Variants in E2F3 observed in about 807,000 individuals in gnomAD.
E2F3 encodes the protein transcription factor E2F3.
In E2F3, 11 loss-of-function variants were observed where a neutral mutation model predicts 44.4. The observed-to-expected ratio is 0.25, with a 90% CI of 0.16 to 0.41. The LOEUF is 0.41. E2F3 is among the 10% of genes least tolerant of loss of function. The probability of loss-of-function intolerance (pLI) is 1.00; values close to 1 mark genes in which losing one functional copy is unlikely to be tolerated. For synonymous variants in E2F3, 249 were observed against 253.0 expected, an observed-to-expected ratio of 0.98 and a Z score of 0.15; for missense variants, 487 against 583.6, an observed-to-expected ratio of 0.83 and a Z score of 1.70.
intron 6 of E2F3, among the ~76,000 whole-genome samples, chr6:20,489,298 G>C (rs1312827480): frequency 6.6e-6 from 1 of 152,134 alleles, no homozygotes; most frequent in African/African-American, 2.4e-5. Context: ...TTAATAAGCT[G>C]GTTGTTCAAA....
At chr6:20,409,691 T>C (rs907739045) in intron 1 of E2F3, among the ~76,000 whole-genome samples, 4 of 152,232 alleles carry the variant, frequency 2.6e-5, no homozygotes, top group Admixed American at 6.5e-5. Flanking sequence ...AAATTGTCAT[T>C]CCTTTAGCCA....
chr6:20,426,918 T>C (rs1009123545), intron 1 of E2F3, among the ~76,000 whole-genome samples: 1 of 152,216 alleles, frequency 6.6e-6, no homozygotes, highest in African/African-American at 2.4e-5. Context: ...AGACCTAGAA[T>C]CTAAATGTGG....
intron 3 of E2F3, among the ~76,000 whole-genome samples, chr6:20,482,285 T>A (rs577629260): frequency 4.9e-4 from 75 of 151,988 alleles, no homozygotes; most frequent in Middle Eastern, 3.4e-3. Flanking sequence ...GTTGTTGATA[T>A]AAGACCCTCA....
chr6:20,412,602 G>C (rs1307852344), intron 1 of E2F3, among the ~76,000 whole-genome samples: 1 of 152,216 alleles, frequency 6.6e-6, no homozygotes, highest in East Asian at 1.9e-4. Context: ...ACAAGGGCTG[G>C]GCGGGGAGTA....
intron 1 of E2F3, among the ~76,000 whole-genome samples, chr6:20,444,096 A>G (rs2127597549): frequency 6.6e-6 from 1 of 152,240 alleles, no homozygotes; most frequent in Non-Finnish European, 1.5e-5. Flanking sequence ...GTTCCCAGCT[A>G]CTTGGAAGGC....
At chr6:20,405,979 T>C (rs1220180772) in intron 1 of E2F3, among the ~76,000 whole-genome samples, 1 of 152,214 alleles carries the variant, frequency 6.6e-6, no homozygotes, top group Non-Finnish European at 1.5e-5. Context: ...TTTGTTGATA[T>C]TCTTTCCCTA....
chr6:20,449,517 C>T (rs1418242937), intron 1 of E2F3, among the ~76,000 whole-genome samples: 1 of 152,180 alleles, frequency 6.6e-6, no homozygotes, highest in African/African-American at 2.4e-5. Flanking sequence ...TCACTTCATA[C>T]ATGTGCAGGT....
At chr6:20,412,488 C>T (rs917744508) in intron 1 of E2F3, among the ~76,000 whole-genome samples, 1 of 151,908 alleles carries the variant, frequency 6.6e-6, no homozygotes, top group Non-Finnish European at 1.5e-5. Flanking sequence ...GAAAGATTGG[C>T]GTCAGGAGGC....
In E2F3 at chr6:20,470,562, GAT is replaced by G. The variant is rs563782184; in HGVS notation, c.394-9283_394-9282del. 7.0e-3 allele frequency among the ~76,000 whole-genome samples: 1,061 copies of G among 152,278 alleles called. 16 individuals carry two copies. Among genetic ancestry groups the G allele is most frequent in the African/African-American group, 0.024 (982 of 41,560 alleles). On this transcript the variant is annotated intron_variant, in intron 1 of 6. Coordinates refer to ENST00000346618, the MANE Select transcript of E2F3 (RefSeq NM_001949.5). ...ATTCCCTCCTTTGGGTTATTTCACTGATGTACTTAACTTGGTCTTCATTCTTT... is the reference window on the plus strand; with the variant it reads ...ATTCCCTCCTTTGGGTTATTTCACTGGTACTTAACTTGGTCTTCATTCTTT...
chr6:20,418,697 T>A (rs1759928980), intron 1 of E2F3, among the ~76,000 whole-genome samples: 1 of 152,208 alleles, frequency 6.6e-6, no homozygotes, highest in Non-Finnish European at 1.5e-5. Context: ...ATTAGTACCT[T>A]CCAGCTGTGG....
At chr6:20,452,861 G>A (rs1761176144) in intron 1 of E2F3, among the ~76,000 whole-genome samples, 1 of 152,152 alleles carries the variant, frequency 6.6e-6, no homozygotes, top group Non-Finnish European at 1.5e-5. Flanking sequence ...AGCTGAGGCA[G>A]GAGAATCGTT....
intron 5 of E2F3, among the ~76,000 whole-genome samples, chr6:20,487,524 C>T (rs1762429469): frequency 6.6e-6 from 1 of 152,064 alleles, no homozygotes; most frequent in Non-Finnish European, 1.5e-5. Context: ...GTATACAGTT[C>T]AACATGAAAA....
intron 1 of E2F3, among the ~76,000 whole-genome samples, chr6:20,472,357 G>A (rs1055602374): frequency 6.6e-6 from 1 of 152,142 alleles, no homozygotes; most frequent in South Asian, 2.1e-4. Flanking sequence ...GGGTGTCATG[G>A]TCACTGACAA....
intron 1 of E2F3, among the ~76,000 whole-genome samples, chr6:20,478,625 A>G (rs1174075399): frequency 2.6e-5 from 4 of 152,354 alleles, no homozygotes; most frequent in African/African-American, 7.2e-5. Context: ...CCTGGCCAAC[A>G]TGGCGAAACC....
intron 1 of E2F3, among the ~76,000 whole-genome samples, chr6:20,406,068 T>C (rs1202422234): frequency 6.6e-6 from 1 of 151,702 alleles, no homozygotes; most frequent in South Asian, 2.1e-4. Flanking sequence ...CAAGAAGAGG[T>C]TGAAAAGTCT....
chr6:20,452,846 C>T (rs1761175524), intron 1 of E2F3, among the ~76,000 whole-genome samples: 1 of 152,072 alleles, frequency 6.6e-6, no homozygotes. Context: ...CCCAGCTGCT[C>T]AGGAAGCTGA....
At chr6:20,479,802 T>A in intron 1 of E2F3, 44 bp from the exon 2 acceptor site, 1 of 1,548,590 alleles carries the variant, frequency 6.5e-7, no homozygotes, top group Non-Finnish European at 8.8e-7. Context: ...TTCTTGTTCT[T>A]GTCCATATGA....
intron 2 of E2F3, 120 bp from the exon 3 acceptor site, chr6:20,481,086 C>A: frequency 1.1e-6 from 1 of 894,720 alleles, no homozygotes; most frequent in Non-Finnish European, 1.7e-6. Context: ...GACAGCCTTG[C>A]TTCAGATACT....
At chr6:20,453,144 T>C (rs1015451649) in intron 1 of E2F3, among the ~76,000 whole-genome samples, 1 of 152,162 alleles carries the variant, frequency 6.6e-6, no homozygotes. Flanking sequence ...TGTGATATGA[T>C]CTTCAAATTT....
Sources: gnomAD v4.1 joint callset for allele counts (sites outside exome capture counted in the v4.1 genomes callset) on GRCh38, gnomAD v4.1.1 for gene constraint, MANE v1.5 for transcripts, NCBI Gene and HGNC (gene_info 2026-07-23, HGNC 2026-07-21) for gene names.